SHISA9: variants seen among roughly 807,000 people sequenced by gnomAD.
The protein encoded by SHISA9 is shisa family member 9.
Under a neutral mutation model 38.0 loss-of-function variants are expected in SHISA9, and 13 were observed. The observed-to-expected ratio is 0.34, with a 90% CI of 0.22 to 0.54. The LOEUF (loss-of-function observed/expected upper bound fraction) is 0.54, where lower values mean the gene tolerates loss of function less well. Ranked by LOEUF, SHISA9 falls within the 20% of genes least tolerant of loss-of-function variation. SHISA9 has a pLI of 0.91. For synonymous variants in SHISA9, 275 were observed against 242.0 expected (o/e 1.14, Z -1.27); for missense variants, 538 against 575.8 (o/e 0.93, Z 0.67).
rs752000139 is a variant in SHISA9 at position 13,122,810 on chromosome 16, G to T, written c.692-80584G>T. On this transcript the variant is annotated intron_variant, in intron 2 of 4. Coordinates refer to ENST00000558583, the MANE Select transcript of SHISA9 (RefSeq NM_001145204.3). ...ACTGGTAATCCTAGCACTTTGGGAGGCCGAGGCAGGAGGATCGCCTGAGGT... is the reference window on the plus strand; with the variant it reads ...ACTGGTAATCCTAGCACTTTGGGAGTCCGAGGCAGGAGGATCGCCTGAGGT... Among the ~76,000 whole-genome samples the T allele has an allele frequency of 2.9e-4, 44 of 152,352 alleles. 1 individual carries two copies. The highest frequency in any genetic ancestry group is 5.3e-4 in the Non-Finnish European group (36 of 68,040).
At chr16:13,250,546 AT>A in the SHISA9 span, among the ~76,000 whole-genome samples, 1 of 152,094 alleles carries the variant, frequency 6.6e-6, no homozygotes, top group Admixed American at 6.5e-5. Context: ...GCATTCAGTG[AT>A]TTTTTTAGGA....
chr16:12,977,468 A>G lies in SHISA9; in HGVS notation c.691+60653A>G, dbSNP rs78825451. On this transcript the variant is annotated intron_variant, in intron 2 of 4. Coordinates refer to ENST00000558583, the MANE Select transcript of SHISA9 (RefSeq NM_001145204.3). ...TGACCCAGCAATCCCATTACTGGGTATATACCCAAAGGAATAGAAATCATT... is the reference window on the plus strand; with the variant it reads ...TGACCCAGCAATCCCATTACTGGGTGTATACCCAAAGGAATAGAAATCATT... 6.7e-3 allele frequency among the ~76,000 whole-genome samples: 1,020 copies of G among 152,306 alleles called. 29 individuals are homozygous for G. In the East Asian group the frequency reaches 0.11, roughly 16 times the overall value.
At chr16:13,025,741 A>G (rs1195528485) in intron 2 of SHISA9, among the ~76,000 whole-genome samples, 2 of 151,614 alleles carry the variant, frequency 1.3e-5, no homozygotes, top group African/African-American at 2.4e-5. Context: ...TCTTTTTTTT[A>G]TTTTTTACTT....
Position 12,902,382 on chromosome 16 carries a change from C to T in SHISA9, c.318C>T (p.Phe106=). 5.2e-6 allele frequency: 8 copies of T among 1,551,306 alleles called. No homozygotes were observed. Among genetic ancestry groups the T allele is most frequent in the Non-Finnish European group, 7.0e-6 (8 of 1,146,988 alleles). Residue 106 remains phenylalanine (F), a synonymous_variant, in exon 1 of 5, where the codon TTC becomes TTT. Coordinates refer to ENST00000558583, the MANE Select transcript of SHISA9 (RefSeq NM_001145204.3). The part of the protein sequence containing the change: ...IFCCGTCGFR[F]CCTFKKRRLN... ...GCTGCGGGACTTGTGGCTTCCGGTT[C>T]TGCTGCACGTTTAAGAAGCGGCGAC...
chr16:13,074,745 A>C lies in SHISA9; in HGVS notation c.692-128649A>C, dbSNP rs552836323. On this transcript the variant is annotated intron_variant, in intron 2 of 4. Transcript: ENST00000558583. ...AATGGTGGGATCTCAGCTCACTGCA[A>C]CCTCTGCCTCCCAGGTTCGATAGAT... 9.6e-4 allele frequency among the ~76,000 whole-genome samples: 144 copies of C among 149,744 alleles called. 1 individual carries two copies. The highest frequency in any genetic ancestry group is 3.3e-3 in the African/African-American group (134 of 40,714).
chr16:13,376,427 A>C, the SHISA9 span, among the ~76,000 whole-genome samples: 1 of 152,292 alleles, frequency 6.6e-6, no homozygotes, highest in East Asian at 1.9e-4. Flanking sequence ...TTCTCAGCAC[A>C]TTTACAGCCA....
chr16:12,931,305 AG>A (rs1433251368), intron 2 of SHISA9, among the ~76,000 whole-genome samples: 5 of 152,096 alleles, frequency 3.3e-5, no homozygotes, highest in African/African-American at 7.2e-5. Context: ...TTTTAGATTC[AG>A]GGGGACCATG....
rs750123557 is a variant in SHISA9 at position 12,902,361 on chromosome 16, C to T, written c.297C>T (p.Cys99=). The change falls in exon 1 of 5, where the codon TGC becomes TGT. Residue 99 remains cysteine, a synonymous_variant. Transcript: ENST00000558583. The part of the protein sequence containing the change: ...NCSSGDFIFC[C]GTCGFRFCCT... ...GCTCGGGCGACTTCATCTTCTGCTG[C>T]GGGACTTGTGGCTTCCGGTTCTGCT... is the stretch of plus-strand genomic sequence containing the variant. 1.3e-6 allele frequency: 2 copies of T among 1,551,320 alleles called. No homozygotes were observed. Among genetic ancestry groups the T allele is most frequent in the East Asian group, 2.4e-5 (1 of 40,906 alleles).
At chr16:13,419,583 G>A in the SHISA9 span, among the ~76,000 whole-genome samples, 2 of 152,198 alleles carry the variant, frequency 1.3e-5, no homozygotes, top group African/African-American at 2.4e-5. Flanking sequence ...GGTTATAAGA[G>A]AGGATTAAAA....
the SHISA9 span, among the ~76,000 whole-genome samples, chr16:13,560,510 C>T: frequency 6.6e-6 from 1 of 152,118 alleles, no homozygotes; most frequent in South Asian, 2.1e-4. Context: ...ACTATATAGA[C>T]GTATGAGGCC....
At chr16:13,460,484 A>G in the SHISA9 span, among the ~76,000 whole-genome samples, 1,704 of 152,304 alleles carry the variant, frequency 0.011, 37 homozygotes, top group African/African-American at 0.039. Context: ...AATGTCCCAC[A>G]GTTGGTAAAT....
intron 2 of SHISA9, among the ~76,000 whole-genome samples, chr16:13,068,801 G>T (rs998049709): frequency 2.0e-5 from 3 of 152,190 alleles, no homozygotes; most frequent in Non-Finnish European, 4.4e-5. Flanking sequence ...ATGCATATAT[G>T]TGTGTACATG....
At position 13,132,897 on chromosome 16, in the gene SHISA9, G is replaced by A. The variant is rs964938965; in HGVS notation, c.692-70497G>A. 2.6e-5 allele frequency among the ~76,000 whole-genome samples: 4 copies of A among 152,206 alleles called. No individual in the cohort carries two copies. The East Asian group carries it at 7.7e-4, about 29-fold the overall frequency. ...CTCAGAACTTCTAGATCTTCCCCAT[G>A]ACTGGGGTGGGGCCAGTGGAGGGAC... On this transcript the variant is annotated intron_variant, in intron 2 of 4. Transcript: ENST00000558583.
At chr16:13,312,832 A>T in the SHISA9 span, among the ~76,000 whole-genome samples, 1 of 152,202 alleles carries the variant, frequency 6.6e-6, no homozygotes, top group East Asian at 1.9e-4. Context: ...AGAAAGCACT[A>T]ATGTTTCAAT....
At chr16:13,053,460 A>G (rs1316073262) in intron 2 of SHISA9, among the ~76,000 whole-genome samples, 1 of 152,162 alleles carries the variant, frequency 6.6e-6, no homozygotes, top group East Asian at 1.9e-4. Context: ...CTTACAGTCT[A>G]TTCTTTCTGC....
chr16:13,304,803 A>G, the SHISA9 span, among the ~76,000 whole-genome samples: 3 of 152,170 alleles, frequency 2.0e-5, no homozygotes, highest in Non-Finnish European at 4.4e-5. Flanking sequence ...GAATGAACGG[A>G]CTAAGTTAAG....
chr16:13,305,756 C>G, the SHISA9 span, among the ~76,000 whole-genome samples: 1 of 152,220 alleles, frequency 6.6e-6, no homozygotes, highest in Non-Finnish European at 1.5e-5. Flanking sequence ...TGATCCCTGA[C>G]CCACAGAAAA....
intron 3 of SHISA9, among the ~76,000 whole-genome samples, chr16:13,208,936 G>A (rs1325576118): frequency 6.6e-6 from 1 of 152,142 alleles, no homozygotes; most frequent in Non-Finnish European, 1.5e-5. Flanking sequence ...TAGCCTGAGA[G>A]GGGCCTTAGA....
At chr16:13,001,222 C>T (rs1404173815) in intron 2 of SHISA9, among the ~76,000 whole-genome samples, 1 of 152,208 alleles carries the variant, frequency 6.6e-6, no homozygotes, top group Non-Finnish European at 1.5e-5. Context: ...GCCACCGTGC[C>T]CAGCCAGGTG....
Sources: allele counts gnomAD v4.1 joint callset (sites outside exome capture counted in the v4.1 genomes callset), GRCh38; gene constraint gnomAD v4.1.1; transcripts MANE v1.5; gene names NCBI Gene and HGNC (gene_info 2026-07-23, HGNC 2026-07-21).